The following IMPDH1 variants were observed in gnomAD, a reference collection of about 807,000 sequenced individuals.
The protein encoded by IMPDH1 is inosine-5'-monophosphate dehydrogenase 1.
A neutral mutation model predicts 73.5 loss-of-function variants in IMPDH1; 41 were observed. The observed-to-expected ratio is 0.56, with a 90% confidence interval of 0.43 to 0.72. The LOEUF (loss-of-function observed/expected upper bound fraction) is 0.72. IMPDH1 is among the 30% of genes least tolerant of loss of function. The pLI, the probability that IMPDH1 is intolerant of heterozygous loss-of-function variation, is 0.00. For synonymous variants in IMPDH1, 318 were observed against 334.3 expected, an observed-to-expected ratio of 0.95 and a Z score of 0.53; for missense variants, 645 against 824.8, an observed-to-expected ratio of 0.78 and a Z score of 2.67.
chr7:128,397,738 ATT>A (rs145250164), intron 10 of IMPDH1, among the ~76,000 whole-genome samples: 9 of 150,014 alleles, frequency 6.0e-5, no homozygotes, highest in African/African-American at 2.2e-4. Context: ...CAATTTGTCA[ATT>A]TTTTTTTTAA....
At chr7:128,408,862 C>A (rs1474227967) in intron 3 of IMPDH1, among the ~76,000 whole-genome samples, 1 of 152,152 alleles carries the variant, frequency 6.6e-6, no homozygotes, top group African/African-American at 2.4e-5. Flanking sequence ...GACAGGGGGG[C>A]CTAACTCAGC....
rs1346208259 is a variant in IMPDH1, at chr7:128,405,853, G to A, written c.267C>T (p.Tyr89=). Residue 89 remains tyrosine (Y), a synonymous_variant, in exon 4 of 17, where the codon TAC becomes TAT. Transcript: ENST00000338791. The stretch of plus-strand genomic sequence containing the variant: ...CGTAGCCGGTGCCGCCGCTGATCAG[G>A]TAGTCCGCCATGCTGCCGCGAGACC... ...DRLRRASMAD[Y]LISGGTGYVP... 1 of 1,532,526 alleles carries A rather than the reference G, an allele frequency of 6.5e-7. No homozygotes were observed. The highest frequency in any genetic ancestry group is 8.8e-7 in the Non-Finnish European group (1 of 1,141,560). 94.9% of individuals were successfully genotyped at this position (1,532,526 alleles called of 1,614,324 possible). A position where few individuals can be genotyped will look rare whatever the true frequency, so the allele number is the denominator to read the frequency against.
At position 128,409,622 on chromosome 7, in the gene IMPDH1, G is replaced by A. The variant is rs1584761331; in HGVS notation, c.146+134C>T. On this transcript the variant is annotated intron_variant, in intron 1 of 16. Transcript: ENST00000338791. Reference sequence around the variant, plus strand: ...GAGCGTGGCGTTTCGGGAAGTTAGAGGCTGAGGCGGTAATAGGGGAAGGGT... The same window carrying A: ...GAGCGTGGCGTTTCGGGAAGTTAGAAGCTGAGGCGGTAATAGGGGAAGGGT... 6 of 1,514,934 alleles carry A rather than the reference G, an allele frequency of 4.0e-6. No individual in the cohort carries two copies. In the East Asian group the frequency reaches 1.4e-4, roughly 34 times the overall value. 93.8% of individuals were successfully genotyped at this position (1,514,934 alleles called of 1,614,324 possible). A position where few individuals can be genotyped will look rare whatever the true frequency, so the allele number is the denominator to read the frequency against.
At chr7:128,405,727 G>A (rs1018685775) in intron 4 of IMPDH1, 40 bp downstream of exon 4, 54 of 1,518,428 alleles carry the variant, frequency 3.6e-5, no homozygotes, top group Non-Finnish European at 4.4e-5. Flanking sequence ...GTCGCGGCGC[G>A]TGGATGCGCG....
At chr7:128,402,786 C>T (rs1158666373) in intron 5 of IMPDH1, among the ~76,000 whole-genome samples, 1 of 152,186 alleles carries the variant, frequency 6.6e-6, no homozygotes, top group Admixed American at 6.5e-5. Flanking sequence ...ACCATCATCA[C>T]TACCCATCTG....
intron 3 of IMPDH1, 36 bp downstream of exon 3, chr7:128,409,253 T>C (rs764956650): frequency 6.3e-7 from 1 of 1,584,582 alleles, no homozygotes; most frequent in Admixed American, 1.7e-5. Flanking sequence ...GCCTCTCAGA[T>C]CTCAGTGCAT....
In IMPDH1 at chr7:128,392,983, C is replaced by A. The variant is rs1279985287; in HGVS notation, c.*24G>T. On this transcript the variant is annotated 3_prime_UTR_variant, in exon 17 of 17. Transcript: ENST00000338791. ...TGGACACTGGGGTGCATCCCCTCCA[C>A]CACCTCGGCCTCCACCGCTGTCCTC... is the stretch of plus-strand genomic sequence containing the variant. The A allele has an allele frequency of 3.1e-6, 5 of 1,613,424 alleles. No homozygotes were observed. In the African/African-American group the frequency reaches 6.7e-5, roughly 22 times the overall value.
At chr7:128,393,489 T>G (rs959354413) in intron 16 of IMPDH1, among the ~76,000 whole-genome samples, 2 of 150,974 alleles carry the variant, frequency 1.3e-5, no homozygotes, top group African/African-American at 4.9e-5. Flanking sequence ...GGCATCTCTC[T>G]GCAGCCAGAA....
chr7:128,409,193 G>A (rs1380163808), intron 3 of IMPDH1, 96 bp downstream of exon 3: 1 of 1,111,496 alleles, frequency 9.0e-7, no homozygotes, highest in Non-Finnish European at 1.3e-6. Flanking sequence ...ACAGACCCCA[G>A]CATGGGGGCC....
At chr7:128,402,900 G>C (rs1798439092) in intron 5 of IMPDH1, among the ~76,000 whole-genome samples, 1 of 152,150 alleles carries the variant, frequency 6.6e-6, no homozygotes, top group Non-Finnish European at 1.5e-5. Flanking sequence ...TATCCAAAAT[G>C]TAACTCTTTT....
At chr7:128,405,633 G>A in intron 4 of IMPDH1, 134 bp downstream of exon 4, 1 of 1,304,352 alleles carries the variant, frequency 7.7e-7, no homozygotes, top group South Asian at 1.6e-5. Flanking sequence ...TCCTTCCCGT[G>A]CCCAGCCCCC....
rs749238422 is a variant in IMPDH1, at chr7:128,403,772, TGA to T, written c.354-20_354-19del. On this transcript the variant is annotated intron_variant, in intron 4 of 16. Transcript: ENST00000338791. ...GGAAGTCGCTGTGAAGACAGAGAAG[TGA>T]GTGTTATTAGTGGGGAGGGGTGCCC... 1 of 1,612,424 alleles carries T rather than the reference TGA, an allele frequency of 6.2e-7. No individual in the cohort carries two copies. The highest frequency in any genetic ancestry group is 1.7e-5 in the Admixed American group (1 of 59,990).
intron 5 of IMPDH1, 47 bp from the exon 6 acceptor site, chr7:128,401,163 A>G: frequency 7.1e-7 from 1 of 1,404,816 alleles, no homozygotes; most frequent in Non-Finnish European, 1.0e-6. Flanking sequence ...CACCCACTGG[A>G]CACTCACTCA....
At position 128,401,057 on chromosome 7, in the gene IMPDH1, G is replaced by C; in HGVS notation, c.462C>G (p.Pro154=). The C allele has an allele frequency of 6.2e-7, 1 of 1,614,116 alleles. No homozygotes were observed. The highest frequency in any genetic ancestry group is 8.5e-7 in the Non-Finnish European group (1 of 1,180,026). Residue 154 remains proline, a synonymous_variant, in exon 6 of 17, where the codon CCC becomes CCG. Transcript: ENST00000338791. ...ITLKTPLISS[P]MDTVTEADMA... The stretch of plus-strand genomic sequence containing the variant: ...TGTCAGCCTCTGTCACAGTGTCCAT[G>C]GGGGAGGAGATCAGTGGCGTCTTCA...
chr7:128,400,978 G>C, intron 6 of IMPDH1, 37 bp downstream of exon 6: 5 of 1,600,416 alleles, frequency 3.1e-6, no homozygotes, highest in Non-Finnish European at 4.3e-6. Flanking sequence ...GTCAGTTCCT[G>C]TGTGCCCTGG....
At position 128,395,174 on chromosome 7, in the gene IMPDH1, G is replaced by A. The variant is rs62481098; in HGVS notation, c.1362C>T (p.Thr454=). Residue 454 remains threonine (T), a synonymous_variant, in exon 13 of 17, where the codon ACC becomes ACT. Coordinates refer to ENST00000338791, the MANE Select transcript of IMPDH1 (RefSeq NM_000883.4). ...VPIIADGGIQ[T]VGHVVKALAL... ...CCAGGGCCTTGACCACGTGTCCCAC[G>A]GTCTGGATGCCGCCATCGGCTATGA... The A allele has an allele frequency of 7.7e-5, 125 of 1,614,026 alleles. No individual in the cohort carries two copies. The highest frequency in any genetic ancestry group is 6.8e-4 in the African/African-American group (51 of 75,058).
Position 128,394,757 on chromosome 7 carries a change from A to T in IMPDH1, c.1550+132T>A. The T allele has an allele frequency of 7.1e-7, 1 of 1,400,278 alleles. No homozygotes were observed. Among genetic ancestry groups the T allele is most frequent in the Non-Finnish European group, 1.0e-6 (1 of 1,002,262 alleles). 86.7% of individuals were successfully genotyped at this position (1,400,278 alleles called of 1,614,324 possible). On this transcript the variant is annotated intron_variant, in intron 14 of 16. Coordinates refer to ENST00000338791, the MANE Select transcript of IMPDH1 (RefSeq NM_000883.4). The surrounding 1 kb of genome is among the most constrained non-coding windows in gnomAD (Gnocchi z 5.5). ...CCCAGGGACAGATCCTGGGTCTGCT[A>T]CTTAAGCCCTGTGCCTCAGTTTCCA...
chr7:128,396,690 T>A lies in IMPDH1; in HGVS notation c.1171A>T (p.Thr391Ser), dbSNP rs2116620192. ...ATCAGGTTCTTGGCCTGGGCTGCTG[T>A]CACCACTGGGGGTGGGGATGGGGCA... ...HLQVIGGNVV[T>S]AAQAKNLIDA... The change falls in exon 12 of 17, where the codon ACA becomes TCA. Residue 391 changes from threonine (T) to serine (S), a missense_variant. Thr to Ser is a moderately conservative substitution (Grantham distance 58). This residue lies in a region of IMPDH1 where 459 missense variants were observed against 638.2 expected (regional missense o/e 0.72). Transcript: ENST00000338791. The surrounding 1 kb of genome is among the most constrained non-coding windows in gnomAD (Gnocchi z 4.0). The A allele has an allele frequency of 6.4e-7, 1 of 1,552,322 alleles. No homozygotes were observed. The highest frequency in any genetic ancestry group is 1.7e-4 in the Middle Eastern group (1 of 5,992).
chr7:128,401,981 G>C (rs1339101676), intron 5 of IMPDH1, among the ~76,000 whole-genome samples: 1 of 152,132 alleles, frequency 6.6e-6, no homozygotes, highest in Admixed American at 6.6e-5. Context: ...ACTAACCCTA[G>C]TTCAGACCTC....
Sources: gnomAD v4.1 joint callset for allele counts (sites outside exome capture counted in the v4.1 genomes callset) on GRCh38, gnomAD v4.1.1 for gene constraint, gnomAD v4.1.1 regional missense constraint, Gnocchi (gnomAD v3.1) non-coding constraint, MANE v1.5 for transcripts, NCBI Gene and HGNC (gene_info 2026-07-23, HGNC 2026-07-21) for gene names.